Variants in SLC37A3 observed in about 807,000 individuals in gnomAD.
The protein encoded by SLC37A3 is solute carrier family 37 member 3.
SLC37A3 carries 51 observed loss-of-function variants against 67.1 expected under a neutral mutation model. The ratio of observed to expected loss-of-function variants is 0.76; its 90% CI spans 0.61 to 0.96. SLC37A3 has a LOEUF of 0.96. SLC37A3 is among the 40% of genes least tolerant of loss of function. SLC37A3 has a pLI of 0.00. For missense variants in SLC37A3, 508 were observed against 603.0 expected (o/e 0.84, Z 1.65); for synonymous variants, 214 against 231.4 (o/e 0.92, Z 0.68).
chr7:140,389,679 A>T (rs13236204), intron 1 of SLC37A3, among the ~76,000 whole-genome samples: 52,665 of 152,052 alleles, frequency 0.35, 9,984 homozygotes, highest in Non-Finnish European at 0.43. Context: ...AATAGTGCGC[A>T]ATCACTGCTA....
chr7:140,339,899 G>A (rs1796290481), intron 13 of SLC37A3, among the ~76,000 whole-genome samples: 1 of 152,098 alleles, frequency 6.6e-6, no homozygotes, highest in Non-Finnish European at 1.5e-5. Flanking sequence ...ACAACGCCCA[G>A]CCAATTTTTC....
chr7:140,343,146 G>A (rs1796423232), intron 13 of SLC37A3, among the ~76,000 whole-genome samples: 1 of 152,172 alleles, frequency 6.6e-6, no homozygotes, highest in Non-Finnish European at 1.5e-5. Context: ...GGGGCAGAAG[G>A]ATCTGTCTGT....
Position 140,337,286 on chromosome 7 carries a change from T to C in SLC37A3, c.1390A>G (p.Met464Val). Reference sequence around the variant, plus strand: ...TTTTTAAAGGGGCACACACTTACCATGAGAATGAAAAAGTAGAAAACCCAC... The same window carrying C: ...TTTTTAAAGGGGCACACACTTACCACGAGAATGAAAAAGTAGAAAACCCAC... ...WMWVFYFFIL[M>V]TSCTIVFISP... is the part of the protein sequence containing the mutation. The change falls in exon 14 of 15, where the codon ATG becomes GTG. Residue 464 changes from methionine to valine, a missense_variant and splice_region_variant. By Grantham distance (21) the Met-to-Val change is conservative. Transcript: ENST00000326232. 6.3e-7 allele frequency: 1 copy of C among 1,596,902 alleles called. No homozygotes were observed.
Position 140,369,639 on chromosome 7 carries a change from G to A in SLC37A3, c.242C>T (p.Thr81Ile), listed in dbSNP as rs1391290405. 6 of 1,613,940 alleles carry A rather than the reference G, an allele frequency of 3.7e-6. No homozygotes were observed. The African/African-American group carries it at 6.7e-5, about 18-fold the overall frequency. The change falls in exon 4 of 15, where the codon ACT becomes ATT. Residue 81 changes from threonine (T) to isoleucine (I), a missense_variant. Thr to Ile is a moderately conservative substitution (Grantham distance 89). Transcript: ENST00000326232. ...NHLFPSAEKATLFLGTLDTIF... is the reference protein window; with the variant it reads ...NHLFPSAEKAILFLGTLDTIF... Reference sequence around the variant, plus strand: ...GGTATCCAGTGTGCCGAGGAAAAGAGTCGCTTTCTCTGCACTGGGGAACAA... The same window carrying A: ...GGTATCCAGTGTGCCGAGGAAAAGAATCGCTTTCTCTGCACTGGGGAACAA...
chr7:140,353,707 A>G (rs1796907266), intron 7 of SLC37A3, among the ~76,000 whole-genome samples: 1 of 150,478 alleles, frequency 6.6e-6, no homozygotes, highest in South Asian at 2.1e-4. Flanking sequence ...CACTTAGCAC[A>G]CTGTTTTGTT....
chr7:140,373,654 A>G (rs1326536150), intron 3 of SLC37A3, among the ~76,000 whole-genome samples: 1 of 150,632 alleles, frequency 6.6e-6, no homozygotes, highest in Non-Finnish European at 1.5e-5. Context: ...TTTTCTTCCT[A>G]TATCTCAAAG....
At chr7:140,375,407 G>A (rs184327734) in intron 3 of SLC37A3, among the ~76,000 whole-genome samples, 64 of 150,610 alleles carry the variant, frequency 4.2e-4, no homozygotes, top group Middle Eastern at 3.5e-3. Flanking sequence ...CCTGGGAGGC[G>A]GAGGTTGCAG....
At chr7:140,358,312 T>C (rs181430107) in intron 6 of SLC37A3, among the ~76,000 whole-genome samples, 178 of 152,182 alleles carry the variant, frequency 1.2e-3, no homozygotes, top group African/African-American at 4.1e-3. Flanking sequence ...GGAAGATACA[T>C]GATGGATAGT....
At chr7:140,387,089 A>G (rs890141873) in intron 1 of SLC37A3, among the ~76,000 whole-genome samples, 3 of 152,134 alleles carry the variant, frequency 2.0e-5, no homozygotes, top group Non-Finnish European at 4.4e-5. Context: ...CCATTACCTC[A>G]CTACTTATTT....
chr7:140,358,270 C>T (rs986442937), intron 6 of SLC37A3, among the ~76,000 whole-genome samples: 1 of 151,906 alleles, frequency 6.6e-6, no homozygotes, highest in African/African-American at 2.4e-5. Context: ...TAAGATCACT[C>T]TCAAAAAAGG....
chr7:140,335,372 G>A lies in SLC37A3; in HGVS notation c.*40C>T. The stretch of plus-strand genomic sequence containing the variant: ...GCAGACTCGAAGCCCCAGCGGTCCT[G>A]ATGTGGCTGACATTGTTCTTTCTGT... On this transcript the variant is annotated 3_prime_UTR_variant, in exon 15 of 15. Coordinates refer to ENST00000326232, the MANE Select transcript of SLC37A3 (RefSeq NM_207113.3). 1 of 1,614,128 alleles carries A rather than the reference G, an allele frequency of 6.2e-7. No homozygotes were observed. Among genetic ancestry groups the A allele is most frequent in the Non-Finnish European group, 8.5e-7 (1 of 1,180,038 alleles).
intron 3 of SLC37A3, among the ~76,000 whole-genome samples, chr7:140,375,585 C>T (rs1337498775): frequency 1.3e-5 from 2 of 152,088 alleles, no homozygotes; most frequent in African/African-American, 2.4e-5. Context: ...AATGTGCCCA[C>T]GTTGTAACAA....
rs775451723 is a variant in SLC37A3, at chr7:140,335,361, C to A, written c.*51G>T. On this transcript the variant is annotated 3_prime_UTR_variant, in exon 15 of 15. Transcript: ENST00000326232. ...CCCAAATTAGGGCAGACTCGAAGCC[C>A]CAGCGGTCCTGATGTGGCTGACATT... 2 of 1,614,104 alleles carry A rather than the reference C, an allele frequency of 1.2e-6. No individual in the cohort carries two copies. The highest frequency in any genetic ancestry group is 1.1e-5 in the South Asian group (1 of 91,068).
Position 140,351,033 on chromosome 7 carries a change from T to C in SLC37A3, c.882+240A>G, listed in dbSNP as rs950980674. 1.1e-4 allele frequency among the ~76,000 whole-genome samples: 17 copies of C among 152,314 alleles called. No homozygotes were observed. In the South Asian group the frequency reaches 3.5e-3, roughly 32 times the overall value. On this transcript the variant is annotated intron_variant, in intron 9 of 14. Transcript: ENST00000326232. ...AAAGCTGAGTAGTTGGGGGAGAGAC[T>C]GGATGGTTCCCCGAAGTCAAAAATA...
At position 140,346,512 on chromosome 7, in the gene SLC37A3, G is replaced by A. The variant is rs556523230; in HGVS notation, c.1025-542C>T. ...AATCAGACAGCAAAACATGAAAAAA[G>A]GAAAAACTGTCAAAGCCATCGGCTA... is the stretch of plus-strand genomic sequence containing the variant. On this transcript the variant is annotated intron_variant, in intron 10 of 14. Coordinates refer to ENST00000326232, the MANE Select transcript of SLC37A3 (RefSeq NM_207113.3). Among the ~76,000 whole-genome samples, 479 of 152,286 alleles carry A rather than the reference G, an allele frequency of 3.1e-3. 6 individuals carry two copies. Among genetic ancestry groups the A allele is most frequent in the African/African-American group, 0.011 (446 of 41,552 alleles).
intron 4 of SLC37A3, among the ~76,000 whole-genome samples, chr7:140,369,215 C>T (rs1488952941): frequency 3.3e-5 from 5 of 152,192 alleles, no homozygotes; most frequent in Admixed American, 2.6e-4. Flanking sequence ...AAATTACAAC[C>T]TCACCCAGGC....
In SLC37A3 at chr7:140,352,109, C is replaced by G; in HGVS notation, c.656G>C (p.Gly219Ala). The change falls in exon 8 of 15, where the codon GGT becomes GCT. Residue 219 changes from glycine to alanine, a missense_variant. By Grantham distance (60) the Gly-to-Ala change is moderately conservative. Coordinates refer to ENST00000326232, the MANE Select transcript of SLC37A3 (RefSeq NM_207113.3). ...FLVTASVQFAGGIVIFFGLLV... is the reference protein window; with the variant it reads ...FLVTASVQFAAGIVIFFGLLV... ...GAGTCCAAAGAAGATAACGATCCCA[C>G]CAGCAAACTGCACAGACGCCGTCAC... 1 of 1,613,494 alleles carries G rather than the reference C, an allele frequency of 6.2e-7. No individual in the cohort carries two copies.
chr7:140,362,422 G>T (rs1226161679), intron 5 of SLC37A3, among the ~76,000 whole-genome samples: 4 of 132,920 alleles, frequency 3.0e-5, no homozygotes, highest in Non-Finnish European at 4.9e-5. Context: ...GGGAGGTGGG[G>T]GGGGGGGTCA....
intron 1 of SLC37A3, among the ~76,000 whole-genome samples, chr7:140,387,488 G>A (rs1180479904): frequency 2.0e-5 from 3 of 149,586 alleles, no homozygotes; most frequent in Non-Finnish European, 4.4e-5. Flanking sequence ...GGTGATGCAC[G>A]CCTGTAATCC....
Sources: gnomAD v4.1 joint callset for allele counts (sites outside exome capture counted in the v4.1 genomes callset) on GRCh38, gnomAD v4.1.1 for gene constraint, MANE v1.5 for transcripts, NCBI Gene and HGNC (gene_info 2026-07-23, HGNC 2026-07-21) for gene names.